Variants in UBXN11 observed in about 807,000 individuals in gnomAD.
UBXN11 encodes the protein UBX domain-containing protein 11.
In UBXN11, 47 loss-of-function variants were observed where a neutral mutation model predicts 62.8. The observed-to-expected ratio is 0.75, with a 90% CI of 0.59 to 0.95. The LOEUF is 0.95. Among genes scored for constraint, UBXN11 ranks in the 40% least tolerant of loss-of-function variants. The pLI, the probability that UBXN11 is intolerant of heterozygous loss-of-function variation, is 0.00. For synonymous variants in UBXN11, 294 were observed against 267.0 expected (o/e 1.10, Z -0.99); for missense variants, 638 against 661.7 (o/e 0.96, Z 0.39).
chr1:26,282,531 A>C lies in UBXN11; in HGVS notation c.1331T>G (p.Phe444Cys). The C allele has an allele frequency of 6.3e-7, 1 of 1,596,592 alleles. No individual in the cohort carries two copies. Among genetic ancestry groups the C allele is most frequent in the African/African-American group, 1.3e-5 (1 of 74,624 alleles). Reference sequence around the variant, plus strand: ...ATCGTCCTGGTAGAGGGTGGGCGGGAATGTGCTGAAGATCTCAAAGGCAGA... The same window carrying C: ...ATCGTCCTGGTAGAGGGTGGGCGGGCATGTGCTGAAGATCTCAAAGGCAGA... ...DASAFEIFST[F>C]PPTLYQDDTL... Residue 444 changes from phenylalanine to cysteine, a missense_variant, in exon 15 of 15, where the codon TTC (phenylalanine) becomes TGC (cysteine). Phe to Cys is a radical substitution (Grantham distance 205). Coordinates refer to ENST00000374222, the MANE Select transcript of UBXN11 (RefSeq NM_001389556.1).
In UBXN11 at chr1:26,285,958, C is replaced by T; in HGVS notation, c.639G>A (p.Glu213=). ...SLQDLSELVV[E]GDTQVTPVPG... Reference sequence around the variant, plus strand: ...GCACTGGTGTCACTTGGGTGTCACCCTCTACCACCAGCTCACTAAGATCCT... The same window carrying T: ...GCACTGGTGTCACTTGGGTGTCACCTTCTACCACCAGCTCACTAAGATCCT... The change falls in exon 9 of 15, where the codon GAG becomes GAA. Residue 213 remains glutamate (E), a synonymous_variant. Coordinates refer to ENST00000374222, the MANE Select transcript of UBXN11 (RefSeq NM_001389556.1). The T allele has an allele frequency of 6.2e-7, 1 of 1,613,612 alleles. No homozygotes were observed. The highest frequency in any genetic ancestry group is 1.7e-5 in the Admixed American group (1 of 59,992).
intron 10 of UBXN11, chr1:26,285,249 A>G: frequency 7.5e-7 from 1 of 1,335,900 alleles, no homozygotes; most frequent in Non-Finnish European, 9.6e-7. Context: ...GGCTGTCTCC[A>G]GGGTGCCAGC....
upstream of UBXN11, chr1:26,306,842 T>TGGGGGG (rs1201356841): frequency 3.4e-5 from 1 of 29,816 alleles, no homozygotes; most frequent in Admixed American, 3.3e-4. Flanking sequence ...GGGGGGGGGG[T>TGGGGGG]GGTTCGTTCC....
At chr1:26,308,091 A>AC (rs757691000), upstream of UBXN11, among the ~76,000 whole-genome samples, 5 of 151,682 alleles carry the variant, frequency 3.3e-5, no homozygotes, top group South Asian at 4.2e-4. Flanking sequence ...ACATGGAGAA[A>AC]CCCCGTCTCT....
At position 26,286,023 on chromosome 1, in the gene UBXN11, G is replaced by A; in HGVS notation, c.574C>T (p.Pro192Ser). Reference protein sequence around the residue: ...KFWKPGDSLAPPEVDFDRLLA... With the variant: ...KFWKPGDSLASPEVDFDRLLA... ...AGCCTGTCAAAGTCCACCTCAGGGG[G>A]CGCCAATGAGTCCCCTGGCAAAGAG... Residue 192 changes from proline (P) to serine (S), a missense_variant, in exon 9 of 15, where the codon CCC becomes TCC. By Grantham distance (74) the Pro-to-Ser change is moderately conservative. Transcript: ENST00000374222. 2 of 1,604,248 alleles carry A rather than the reference G, an allele frequency of 1.2e-6. No individual in the cohort carries two copies. The highest frequency in any genetic ancestry group is 1.7e-6 in the Non-Finnish European group (2 of 1,172,954).
At chr1:26,284,523 C>A (rs1221422295) in intron 10 of UBXN11, 41 bp from the exon 11 acceptor site, 1 of 1,550,888 alleles carries the variant, frequency 6.4e-7, no homozygotes, top group East Asian at 2.3e-5. Flanking sequence ...GGACCCAGCT[C>A]TTCAGCCCTT....
At chr1:26,312,794 A>G (rs2073755967) in intron 1 of UBXN11, among the ~76,000 whole-genome samples, 2 of 150,620 alleles carry the variant, frequency 1.3e-5, no homozygotes, top group Admixed American at 6.6e-5. Context: ...CCTGGCCAAC[A>G]TGGAGAAACC....
intron 8 of UBXN11, among the ~76,000 whole-genome samples, chr1:26,293,759 G>A (rs1012687149): frequency 2.0e-5 from 3 of 146,486 alleles, no homozygotes; most frequent in East Asian, 2.0e-4. Context: ...AAAAGACATG[G>A]TAGGGGCCCA....
At chr1:26,284,336 T>C in intron 11 of UBXN11, 26 bp downstream of exon 11, 3 of 1,613,896 alleles carry the variant, frequency 1.9e-6, no homozygotes, top group African/African-American at 1.3e-5. Flanking sequence ...CCCAGCCCCC[T>C]GGCTCAGCCT....
intron 10 of UBXN11, chr1:26,285,017 CTGG>C: frequency 1.0e-6 from 1 of 1,003,926 alleles, no homozygotes; most frequent in East Asian, 1.1e-4. Context: ...CTCATGGGCT[CTGG>C]TGGTGGCACC....
intron 12 of UBXN11, among the ~76,000 whole-genome samples, chr1:26,283,152 T>C (rs1395304575): frequency 1.3e-5 from 2 of 151,972 alleles, no homozygotes; most frequent in African/African-American, 4.8e-5. Context: ...TAACCCCCCG[T>C]TTCAGTCTAA....
At chr1:26,294,430 T>A in intron 7 of UBXN11, 99 bp from the exon 8 acceptor site, 2 of 1,531,528 alleles carry the variant, frequency 1.3e-6, no homozygotes, top group South Asian at 2.5e-5. Flanking sequence ...CTGCAGGCAA[T>A]GGGGCCCCCA....
chr1:26,288,166 T>C (rs371493895), intron 8 of UBXN11, among the ~76,000 whole-genome samples: 11 of 152,228 alleles, frequency 7.2e-5, no homozygotes, highest in African/African-American at 2.4e-4. Context: ...AAAGGTCAGA[T>C]GACATGGCCT....
At chr1:26,301,097 C>T in intron 3 of UBXN11, 73 bp from the exon 4 acceptor site, 1 of 1,609,382 alleles carries the variant, frequency 6.2e-7, no homozygotes, top group East Asian at 2.2e-5. Context: ...GGGCCCTCGC[C>T]AGTGTGACGC....
Position 26,284,375 on chromosome 1 carries a change from C to T in UBXN11, c.960G>A (p.Val320=). ...GGCCAAACTCACCTGGGTGCTCCTC[C>T]ACCCTGTCCAAGGCCTTGTGCATCA... is the stretch of plus-strand genomic sequence containing the variant. ...RQLMHKALDR[V]EEHPGSRMTA... is the part of the protein sequence containing the mutation. The change falls in exon 11 of 15, where the codon GTG becomes GTA. Residue 320 remains valine (V), a synonymous_variant. Transcript: ENST00000374222. 1 of 1,614,108 alleles carries T rather than the reference C, an allele frequency of 6.2e-7. No homozygotes were observed. The highest frequency in any genetic ancestry group is 2.2e-5 in the East Asian group (1 of 44,890).
intron 8 of UBXN11, among the ~76,000 whole-genome samples, chr1:26,288,046 G>A (rs2073172082): frequency 6.6e-6 from 1 of 151,644 alleles, no homozygotes; most frequent in African/African-American, 2.4e-5. Context: ...TGGACCACAG[G>A]CAGGCATCAC....
At chr1:26,287,703 C>T (rs2073164120) in intron 8 of UBXN11, among the ~76,000 whole-genome samples, 1 of 152,064 alleles carries the variant, frequency 6.6e-6, no homozygotes, top group South Asian at 2.1e-4. Context: ...TCTCCTCTCC[C>T]CTATATTTCC....
chr1:26,291,115 C>G (rs574116291), intron 8 of UBXN11, among the ~76,000 whole-genome samples: 22 of 152,262 alleles, frequency 1.4e-4, no homozygotes, highest in African/African-American at 4.3e-4. Context: ...TGGCTCGGCA[C>G]AGACGGCCCT....
At chr1:26,286,402 T>C (rs780442009) in intron 8 of UBXN11, among the ~76,000 whole-genome samples, 14 of 152,182 alleles carry the variant, frequency 9.2e-5, no homozygotes, top group Non-Finnish European at 1.9e-4. Context: ...AGGCACTGGG[T>C]TGGCAGCTGA....
Sources: allele counts gnomAD v4.1 joint callset (sites outside exome capture counted in the v4.1 genomes callset), GRCh38; gene constraint gnomAD v4.1.1; transcripts MANE v1.5; gene names NCBI Gene and HGNC (gene_info 2026-07-23, HGNC 2026-07-21).